The following ITPR1 variants were observed in gnomAD, a reference collection of about 807,000 sequenced individuals.
ITPR1 encodes the protein inositol 1,4,5-trisphosphate receptor type 1.
A neutral mutation model predicts 318.4 loss-of-function variants in ITPR1; 96 were observed. That is an observed-to-expected ratio of 0.30 (90% CI 0.26 to 0.36). The LOEUF is 0.36. ITPR1 is among the 10% of genes least tolerant of loss of function. ITPR1 has a pLI of 1.00. For missense variants in ITPR1, 2,440 were observed against 3,460.2 expected, an observed-to-expected ratio of 0.71 and a Z score of 7.40; for synonymous variants, 1,312 against 1,289.9, an observed-to-expected ratio of 1.02 and a Z score of -0.37.
chr3:4,703,820 CT>C (rs1454069414), intron 36 of ITPR1, among the ~76,000 whole-genome samples: 1 of 152,068 alleles, frequency 6.6e-6, no homozygotes, highest in African/African-American at 2.4e-5. Context: ...GTGTTGATGT[CT>C]TTTTATTATT....
At chr3:4,672,739 G>A (rs745920489) in intron 20 of ITPR1, among the ~76,000 whole-genome samples, 2 of 152,178 alleles carry the variant, frequency 1.3e-5, no homozygotes, top group Non-Finnish European at 2.9e-5. Flanking sequence ...GTGATATCTT[G>A]AACATTTCCT....
At chr3:4,607,179 G>A (rs2091762357) in intron 4 of ITPR1, among the ~76,000 whole-genome samples, 1 of 152,154 alleles carries the variant, frequency 6.6e-6, no homozygotes, top group Non-Finnish European at 1.5e-5. Flanking sequence ...TGCTCAGTGT[G>A]GTCTCAGACC....
At chr3:4,843,290 C>G (rs4684446) in intron 61 of ITPR1, among the ~76,000 whole-genome samples, 125,752 of 152,050 alleles carry the variant, frequency 0.83, 53,054 homozygotes, top group South Asian at 0.96. Context: ...CAGTTGCAGA[C>G]AATCTTCTCC....
At chr3:4,840,029 C>CTTTTTTTTTTTTTTTTTTTTTTTT (rs56096727) in intron 61 of ITPR1, among the ~76,000 whole-genome samples, 1 of 104,910 alleles carries the variant, frequency 9.5e-6, no homozygotes, top group Non-Finnish European at 1.9e-5. Context: ...AGCATAGCTG[C>CTTTTTTTTTTTTTTTTTTTTTTTT]TTTTTTTTTT....
intron 44 of ITPR1, among the ~76,000 whole-genome samples, chr3:4,739,968 G>A (rs1471500561): frequency 6.6e-6 from 1 of 152,128 alleles, no homozygotes; most frequent in Non-Finnish European, 1.5e-5. Flanking sequence ...GAGAAACAGT[G>A]TTTCAAGAAG....
intron 37 of ITPR1, among the ~76,000 whole-genome samples, chr3:4,707,335 C>T (rs2094780484): frequency 6.6e-6 from 1 of 152,210 alleles, no homozygotes; most frequent in Non-Finnish European, 1.5e-5. Flanking sequence ...TTGGACTCAT[C>T]TTGACACCTT....
intron 17 of ITPR1, 94 bp downstream of exon 17, chr3:4,665,390 A>G (rs2093924599): frequency 1.7e-6 from 2 of 1,163,018 alleles, no homozygotes; most frequent in South Asian, 1.5e-5. Context: ...ATGTCTATTT[A>G]TAGAATGGAT....
Position 4,711,827 on chromosome 3 carries a change from C to A in ITPR1, c.5062C>A (p.Leu1688Met), listed in dbSNP as rs1345681441. The A allele has an allele frequency of 6.5e-7, 1 of 1,547,046 alleles. No homozygotes were observed. Among genetic ancestry groups the A allele is most frequent in the Non-Finnish European group, 8.7e-7 (1 of 1,143,890 alleles). The change falls in exon 39 of 62, where the codon CTG becomes ATG. Residue 1688 changes from leucine to methionine, a missense_variant. Transcript: ENST00000649015. ...EKLCIKVLQTLREMMTKDRGY... is the reference protein window; with the variant it reads ...EKLCIKVLQTMREMMTKDRGY... ...GCTCTGCATTAAGGTCCTACAGACC[C>A]TGAGGGAAATGATGACCAAAGATAG...
intron 2 of ITPR1, among the ~76,000 whole-genome samples, chr3:4,501,963 G>T (rs1458969043): frequency 6.6e-6 from 1 of 152,198 alleles, no homozygotes; most frequent in Non-Finnish European, 1.5e-5. Context: ...ATGAACATAA[G>T]AAAAATATCA....
chr3:4,657,434 G>A (rs1037037092), intron 12 of ITPR1, among the ~76,000 whole-genome samples: 7 of 144,654 alleles, frequency 4.8e-5, no homozygotes, highest in African/African-American at 1.1e-4. Flanking sequence ...CTCCTTCCAC[G>A]GTCATCTCTT....
At chr3:4,569,093 A>T (rs1001503188) in intron 4 of ITPR1, among the ~76,000 whole-genome samples, 1 of 152,188 alleles carries the variant, frequency 6.6e-6, no homozygotes, top group African/African-American at 2.4e-5. Context: ...ACATTTCAGC[A>T]TGAGATTTGG....
rs1028346643 is a variant in ITPR1 at position 4,644,071 on chromosome 3, C to T, written c.526-65C>T. On this transcript the variant is annotated intron_variant, in intron 7 of 61. Coordinates refer to ENST00000649015, the MANE Select transcript of ITPR1 (RefSeq NM_001378452.1). Reference sequence around the variant, plus strand: ...CAGACTCATATGTCTTCTAGAACTGCCCAGTGGTCAATCCGCAGTCCTTAT... The same window carrying T: ...CAGACTCATATGTCTTCTAGAACTGTCCAGTGGTCAATCCGCAGTCCTTAT... 3.8e-5 allele frequency: 39 copies of T among 1,027,972 alleles called. No homozygotes were observed. The Middle Eastern group carries it at 6.1e-4, about 16-fold the overall frequency. 63.7% of individuals were successfully genotyped at this position (1,027,972 alleles called of 1,614,324 possible). A position where few individuals can be genotyped will look rare whatever the true frequency, so the allele number is the denominator to read the frequency against.
At chr3:4,827,749 G>A (rs1487741983) in intron 60 of ITPR1, among the ~76,000 whole-genome samples, 1 of 152,184 alleles carries the variant, frequency 6.6e-6, no homozygotes, top group Non-Finnish European at 1.5e-5. Flanking sequence ...GATCCTTAGG[G>A]TCTGAGTCAG....
intron 4 of ITPR1, among the ~76,000 whole-genome samples, chr3:4,557,779 A>T (rs1191962704): frequency 6.6e-6 from 1 of 151,950 alleles, no homozygotes; most frequent in Non-Finnish European, 1.5e-5. Context: ...CAGAAGCCAG[A>T]TGGGGGTAGG....
chr3:4,621,232 T>C (rs1283762170), intron 4 of ITPR1, among the ~76,000 whole-genome samples: 1 of 152,184 alleles, frequency 6.6e-6, no homozygotes, highest in Non-Finnish European at 1.5e-5. Context: ...AGCACGATGC[T>C]GGCATCTGCT....
intron 11 of ITPR1, 70 bp from the exon 12 acceptor site, chr3:4,653,772 C>T: frequency 8.8e-7 from 1 of 1,141,714 alleles, no homozygotes; most frequent in Non-Finnish European, 1.3e-6. Context: ...CTTGAAGTCT[C>T]CTGCAAGTGG....
chr3:4,617,925 C>T (rs1015930982), intron 4 of ITPR1, among the ~76,000 whole-genome samples: 1 of 148,752 alleles, frequency 6.7e-6, no homozygotes, highest in African/African-American at 2.5e-5. Flanking sequence ...GTTGAGGCTG[C>T]AGTGAGCAAT....
chr3:4,704,512 G>A (rs1455530114), intron 36 of ITPR1, among the ~76,000 whole-genome samples: 2 of 152,134 alleles, frequency 1.3e-5, no homozygotes, highest in Non-Finnish European at 2.9e-5. Flanking sequence ...ATACACTTCT[G>A]CAGCAAACCT....
At chr3:4,687,000 C>T (rs542912490) in intron 30 of ITPR1, among the ~76,000 whole-genome samples, 4 of 152,174 alleles carry the variant, frequency 2.6e-5, no homozygotes, top group African/African-American at 4.8e-5. Flanking sequence ...TGTAAATTCT[C>T]CTCTGTTTTG....
Sources: allele counts gnomAD v4.1 joint callset (sites outside exome capture counted in the v4.1 genomes callset), GRCh38; gene constraint gnomAD v4.1.1; transcripts MANE v1.5; gene names NCBI Gene and HGNC (gene_info 2026-07-23, HGNC 2026-07-21).